The following KIR2DL1 variants were observed in gnomAD, a reference collection of about 807,000 sequenced individuals.
KIR2DL1 encodes the protein killer cell immunoglobulin-like receptor 2DL1.
A neutral mutation model predicts 33.9 loss-of-function variants in KIR2DL1; 38 were observed. The observed-to-expected ratio is 1.12, with a 90% confidence interval of 0.86 to 1.47. The LOEUF (loss-of-function observed/expected upper bound fraction) is 1.47, where lower values mean the gene tolerates loss of function less well. Ranked by LOEUF, KIR2DL1 falls within the 40% of genes most tolerant of loss-of-function variation. The pLI is 0.00. For missense variants in KIR2DL1, 531 were observed against 433.9 expected, an observed-to-expected ratio of 1.22 and a Z score of -1.99; for synonymous variants, 179 against 165.9, an observed-to-expected ratio of 1.08 and a Z score of -0.61.
chr19:54,775,191 G>GCC lies in KIR2DL1; in HGVS notation c.399_400dup (p.Gln134ProfsTer13). On this transcript the variant is annotated frameshift_variant, in exon 4 of 8. Transcript: ENST00000336077. LOFTEE classifies it high-confidence loss of function. The stretch of plus-strand genomic sequence containing the variant: ...TCTATATGAGAAACCTTCTCTCTCA[G>GCC]CCCAGCTGGGCCCCACGGTTCTGGC... 6.3e-7 allele frequency: 1 copy of GCC among 1,589,738 alleles called. No individual in the cohort carries two copies. Among genetic ancestry groups the GCC allele is most frequent in the Non-Finnish European group, 8.6e-7 (1 of 1,162,938 alleles).
intron 5 of KIR2DL1, among the ~76,000 whole-genome samples, chr19:54,779,803 C>G (rs1348440050): frequency 1.4e-5 from 2 of 147,176 alleles, no homozygotes; most frequent in Non-Finnish European, 1.5e-5. Flanking sequence ...ACTGATATTG[C>G]AGATGGTTAA....
chr19:54,774,749 A>C (rs1358266446), intron 3 of KIR2DL1, among the ~76,000 whole-genome samples: 1 of 148,370 alleles, frequency 6.7e-6, no homozygotes, highest in Non-Finnish European at 1.5e-5. Context: ...ATGGATAAAT[A>C]GATGATATAT....
chr19:54,782,242 C>T (rs2077053508), intron 5 of KIR2DL1, among the ~76,000 whole-genome samples: 1 of 151,860 alleles, frequency 6.6e-6, no homozygotes, highest in Admixed American at 6.6e-5. Context: ...GAAGACAGCC[C>T]AGGGTGTTCT....
rs2077316774 is a variant in KIR2DL1 at position 54,783,627 on chromosome 19, C to T, written c.871-10C>T. On this transcript the variant is annotated splice_polypyrimidine_tract_variant and intron_variant, in intron 7 of 7. Coordinates refer to ENST00000336077, the MANE Select transcript of KIR2DL1 (RefSeq NM_014218.3). The stretch of plus-strand genomic sequence containing the variant: ...GCACCCTCCCTCACTCAGCATTTCC[C>T]TCTCTCCAGGACTCTGATGAACAAG... 1 of 1,613,988 alleles carries T rather than the reference C, an allele frequency of 6.2e-7. No homozygotes were observed. Among genetic ancestry groups the T allele is most frequent in the Non-Finnish European group, 8.5e-7 (1 of 1,179,964 alleles).
intron 2 of KIR2DL1, 108 bp downstream of exon 2, chr19:54,770,992 A>C: frequency 6.8e-7 from 1 of 1,461,136 alleles, no homozygotes; most frequent in Non-Finnish European, 9.5e-7. Flanking sequence ...GGAAGAAGGG[A>C]CCCTGGGGTG....
chr19:54,779,519 C>T (rs566329432), intron 5 of KIR2DL1, among the ~76,000 whole-genome samples: 1 of 146,218 alleles, frequency 6.8e-6, no homozygotes, highest in South Asian at 2.2e-4. Context: ...GCTGCTCTCC[C>T]TTCTTCCTCA....
intron 2 of KIR2DL1, 114 bp downstream of exon 2, chr19:54,770,998 G>T (rs1270965423): frequency 1.4e-6 from 2 of 1,441,060 alleles, no homozygotes; most frequent in African/African-American, 1.4e-5. Flanking sequence ...AGGGACCCTG[G>T]GGTGCTGGGC....
chr19:54,775,055 A>G (rs1381382493), intron 3 of KIR2DL1, 110 bp from the exon 4 acceptor site: 5 of 1,341,996 alleles, frequency 3.7e-6, no homozygotes, highest in African/African-American at 1.5e-5. Flanking sequence ...GGTGAGAGAG[A>G]GAGAGAGAGA....
rs767881326 is a variant in KIR2DL1, at chr19:54,773,605, A to G, written c.343A>G (p.Ser115Gly). The part of the protein sequence containing the change: ...THSPYQVSAP[S>G]DPLDIVIIGL... ...CTCCCCCTATCAGGTGTCAGCTCCC[A>G]GTGACCCTCTGGACATCGTGATCAT... is the stretch of plus-strand genomic sequence containing the variant. Residue 115 changes from serine (S) to glycine (G), a missense_variant, in exon 3 of 8, where the codon AGT becomes GGT. By Grantham distance (56) the Ser-to-Gly change is moderately conservative. Transcript: ENST00000336077. The G allele has an allele frequency of 1.6e-5, 25 of 1,577,506 alleles. 1 individual carries two copies. In the East Asian group the frequency reaches 4.5e-4, roughly 28 times the overall value.
chr19:54,774,025 G>C (rs2076058808), intron 3 of KIR2DL1, among the ~76,000 whole-genome samples: 2 of 148,672 alleles, frequency 1.3e-5, no homozygotes, highest in Non-Finnish European at 1.5e-5. Context: ...TTTCTGACCT[G>C]AGTTGGGCCC....
chr19:54,774,923 C>G lies in KIR2DL1; in HGVS notation c.371-242C>G, dbSNP rs1429626429. Among the ~76,000 whole-genome samples, 38 of 148,176 alleles carry G rather than the reference C, an allele frequency of 2.6e-4. 2 individuals carry two copies. Among genetic ancestry groups the G allele is most frequent in the Non-Finnish European group, 4.1e-4 (27 of 66,054 alleles). On this transcript the variant is annotated intron_variant, in intron 3 of 7. Transcript: ENST00000336077. ...TCAAGTCAACCAATCCAAGGAGAGT[C>G]AGAGAGAATAAAACAATCCAAAAAG...
intron 2 of KIR2DL1, among the ~76,000 whole-genome samples, 164 bp from the exon 3 acceptor site, chr19:54,773,169 T>C (rs2147454376): frequency 6.8e-6 from 1 of 148,038 alleles, no homozygotes; most frequent in African/African-American, 2.5e-5. Context: ...GGGAGACAGA[T>C]GGAAGGACCT....
chr19:54,771,499 A>G (rs1198359206), intron 2 of KIR2DL1, among the ~76,000 whole-genome samples: 1 of 147,234 alleles, frequency 6.8e-6, no homozygotes, highest in Non-Finnish European at 1.5e-5. Flanking sequence ...CCTGGGCACC[A>G]AGGTGTGATA....
In KIR2DL1 at chr19:54,770,883, G is replaced by A; in HGVS notation, c.69G>A (p.Glu23=). 1.1e-5 allele frequency: 18 copies of A among 1,584,130 alleles called. 3 individuals are homozygous for A. The highest frequency in any genetic ancestry group is 1.6e-5 in the Non-Finnish European group (18 of 1,156,404). Residue 23 remains glutamate (E), a splice_region_variant and synonymous_variant, in exon 2 of 8, where the codon GAG becomes GAA. Transcript: ENST00000336077. The part of the protein sequence containing the change: ...FFLLQGAWPH[E]GVHRKPSLLA... ...TGCTGCAGGGGGCCTGGCCACATGA[G>A]GGTGAGTCCTTCTCCCAACCTTCGG...
At position 54,769,821 on chromosome 19, in the gene KIR2DL1, T is replaced by C; in HGVS notation, c.-30T>C. 4 of 1,384,008 alleles carry C rather than the reference T, an allele frequency of 2.9e-6. No homozygotes were observed. The highest frequency in any genetic ancestry group is 2.0e-5 in the Admixed American group (1 of 50,330). The allele number at this position is 1,384,008 out of a possible 1,614,324, so 85.7% of individuals were successfully genotyped here. ...CTGTGCGCTGCTGAGCTGAGCTCGG[T>C]CGCGGCTGCCTGTCTGCTCCGGCAG... On this transcript the variant is annotated 5_prime_UTR_variant, in exon 1 of 8. Coordinates refer to ENST00000336077, the MANE Select transcript of KIR2DL1 (RefSeq NM_014218.3).
rs1223893738 is a variant in KIR2DL1 at position 54,773,842 on chromosome 19, C to G, written c.370+210C>G. Among the ~76,000 whole-genome samples, 2 of 148,106 alleles carry G rather than the reference C, an allele frequency of 1.4e-5. 1 individual carries two copies. Among genetic ancestry groups the G allele is most frequent in the African/African-American group, 4.9e-5 (2 of 40,520 alleles). On this transcript the variant is annotated intron_variant, in intron 3 of 7. Coordinates refer to ENST00000336077, the MANE Select transcript of KIR2DL1 (RefSeq NM_014218.3). The stretch of plus-strand genomic sequence containing the variant: ...ACAGAGAACAGACACAGGGGCCATA[C>G]CGGGAGTTAGAAAAGACAGAAAGAG...
At position 54,775,279 on chromosome 19, in the gene KIR2DL1, G is replaced by A; in HGVS notation, c.485G>A (p.Arg162Lys). 1 of 1,585,874 alleles carries A rather than the reference G, an allele frequency of 6.3e-7. No homozygotes were observed. Among genetic ancestry groups the A allele is most frequent in the East Asian group, 2.2e-5 (1 of 44,676 alleles). The part of the protein sequence containing the change: ...RSSYDMYHLS[R>K]EGEAHERRLP... ...TCCTATGACATGTACCATCTATCCA[G>A]GGAAGGGGAGGCCCATGAACGTAGG... The change falls in exon 4 of 8, where the codon AGG becomes AAG. Residue 162 changes from arginine (R) to lysine (K), a missense_variant. By Grantham distance (26) the Arg-to-Lys change is conservative. Transcript: ENST00000336077.
At chr19:54,770,624 A>G (rs1263826326) in intron 1 of KIR2DL1, among the ~76,000 whole-genome samples, 1 of 146,610 alleles carries the variant, frequency 6.8e-6, no homozygotes, top group Non-Finnish European at 1.5e-5. Flanking sequence ...TGGAGTGGAG[A>G]TATGGGCCTG....
Position 54,773,415 on chromosome 19 carries a change from A to C in KIR2DL1, c.153A>C (p.Ser51=), listed in dbSNP as rs762867314. 2.3e-5 allele frequency: 37 copies of C among 1,593,260 alleles called. No homozygotes were observed. The highest frequency in any genetic ancestry group is 3.0e-5 in the Non-Finnish European group (35 of 1,164,792). The change falls in exon 3 of 8, where the codon TCA becomes TCC. Residue 51 remains serine (S), a synonymous_variant. Coordinates refer to ENST00000336077, the MANE Select transcript of KIR2DL1 (RefSeq NM_014218.3). ...SEETVILQCW[S]DVMFEHFLLH... ...AGACAGTCATCCTGCAGTGTTGGTC[A>C]GATGTCATGTTTGAACACTTCCTTC...
Sources: gnomAD v4.1 joint callset for allele counts (sites outside exome capture counted in the v4.1 genomes callset) on GRCh38, gnomAD v4.1.1 for gene constraint, MANE v1.5 for transcripts, NCBI Gene and HGNC (gene_info 2026-07-23, HGNC 2026-07-21) for gene names.